The following NFATC2 variants were observed in gnomAD, a reference collection of about 807,000 sequenced individuals.
NFATC2 encodes nuclear factor of activated T-cells, cytoplasmic 2.
In NFATC2, 22 loss-of-function variants were observed where a neutral mutation model predicts 87.3. The ratio of observed to expected loss-of-function variants is 0.25; its 90% CI spans 0.18 to 0.36. The LOEUF (loss-of-function observed/expected upper bound fraction) is 0.36, where lower values mean the gene tolerates loss of function less well. NFATC2 is among the 10% of genes least tolerant of loss of function. The pLI is 1.00. For missense variants in NFATC2, 1,149 were observed against 1,259.1 expected (o/e 0.91, Z 1.32); for synonymous variants, 565 against 542.2 (o/e 1.04, Z -0.58).
intron 1 of NFATC2, among the ~76,000 whole-genome samples, chr20:51,551,092 C>T (rs1217931301): frequency 6.6e-6 from 1 of 152,166 alleles, no homozygotes; most frequent in Admixed American, 6.5e-5. Context: ...GGAAGCATTC[C>T]CTGGGACTCA....
At chr20:51,433,089 C>T (rs1983020547) in intron 8 of NFATC2, among the ~76,000 whole-genome samples, 1 of 152,114 alleles carries the variant, frequency 6.6e-6, no homozygotes, top group Admixed American at 6.5e-5. Flanking sequence ...TGATGCCTCC[C>T]CCTCTTTCTA....
chr20:51,390,747 T>A lies in NFATC2; in HGVS notation c.*749A>T, dbSNP rs541315406. The A allele has an allele frequency of 1.3e-4, 21 of 161,438 alleles. No individual in the cohort carries two copies. In the South Asian group the frequency reaches 3.0e-3, roughly 23 times the overall value. 10.0% of individuals were successfully genotyped at this position (161,438 alleles called of 1,614,324 possible). On this transcript the variant is annotated 3_prime_UTR_variant, in exon 11 of 11. Coordinates refer to ENST00000371564, the MANE Select transcript of NFATC2 (RefSeq NM_012340.5). Reference sequence around the variant, plus strand: ...CATGTCATAACTTAACGCCAAGAAGTCTTAACAGGTGATCTTGTCTGGGCA... The same window carrying A: ...CATGTCATAACTTAACGCCAAGAAGACTTAACAGGTGATCTTGTCTGGGCA...
chr20:51,412,256 C>T (rs999826782), intron 9 of NFATC2, among the ~76,000 whole-genome samples: 1 of 152,222 alleles, frequency 6.6e-6, no homozygotes, highest in Non-Finnish European at 1.5e-5. Flanking sequence ...GACTGGCACA[C>T]TCTGGCATCA....
intron 8 of NFATC2, among the ~76,000 whole-genome samples, chr20:51,433,303 T>C (rs894094459): frequency 8.5e-5 from 13 of 152,198 alleles, no homozygotes; most frequent in African/African-American, 2.4e-4. Context: ...AGATATTTTC[T>C]AGACAAAGGA....
At position 51,523,964 on chromosome 20, in the gene NFATC2, C is replaced by T. The variant is rs745445841; in HGVS notation, c.277G>A (p.Gly93Arg). The T allele has an allele frequency of 3.8e-6, 6 of 1,585,888 alleles. No individual in the cohort carries two copies. In the East Asian group the frequency reaches 1.1e-4, roughly 30 times the overall value. Residue 93 changes from glycine to arginine, a missense_variant, in exon 2 of 11, where the codon GGG becomes AGG. Transcript: ENST00000371564. The surrounding 1 kb of genome is among the most constrained non-coding windows in gnomAD (Gnocchi z 6.9). ...GCCGCGCTCAGAAACTTCTGCGGCCCTACCCTATCCGGCTCTCCGAATCGG... is the reference window on the plus strand; with the variant it reads ...GCCGCGCTCAGAAACTTCTGCGGCCTTACCCTATCCGGCTCTCCGAATCGG... ...PGRFGEPDRVGPQKFLSAAKP... is the reference protein window; with the variant it reads ...PGRFGEPDRVRPQKFLSAAKP...
chr20:51,553,891 TCTCA>T (rs2076955777), intron 1 of NFATC2, among the ~76,000 whole-genome samples: 3 of 151,930 alleles, frequency 2.0e-5, no homozygotes, highest in African/African-American at 7.3e-5. Context: ...CACAATCATT[TCTCA>T]CTCAATGTAC....
At chr20:51,540,256 G>A (rs1227237974) in intron 1 of NFATC2, among the ~76,000 whole-genome samples, 2 of 152,022 alleles carry the variant, frequency 1.3e-5, no homozygotes, top group East Asian at 1.9e-4. Context: ...CAGGTGATCC[G>A]CCCGCCTCAG....
At position 51,480,361 on chromosome 20, in the gene NFATC2, CAGAGGG is replaced by C. The variant is rs1171727600; in HGVS notation, c.1333-4707_1333-4702del. ...GGAAGGAGGGAGAAAAGAAGGGGCA[CAGAGGG>C]AGATGGAGGGAGAGAAACAAACAGC... On this transcript the variant is annotated intron_variant, in intron 3 of 10. Coordinates refer to ENST00000371564, the MANE Select transcript of NFATC2 (RefSeq NM_012340.5). The surrounding 1 kb of genome is among the most constrained non-coding windows in gnomAD (Gnocchi z 4.2). Among the ~76,000 whole-genome samples, 8 of 152,062 alleles carry C rather than the reference CAGAGGG, an allele frequency of 5.3e-5. No homozygotes were observed. The highest frequency in any genetic ancestry group is 1.9e-4 in the African/African-American group (8 of 41,388).
intron 6 of NFATC2, among the ~76,000 whole-genome samples, chr20:51,442,511 C>T (rs564702957): frequency 2.0e-5 from 3 of 152,116 alleles, no homozygotes; most frequent in African/African-American, 4.8e-5. Context: ...CGCATGATGC[C>T]GCTTTGTAAG....
intron 3 of NFATC2, among the ~76,000 whole-genome samples, chr20:51,492,600 C>CG (rs1405947763): frequency 1.3e-5 from 2 of 152,196 alleles, no homozygotes; most frequent in Non-Finnish European, 2.9e-5. Context: ...GGGGACTGTG[C>CG]GGGGCCCTCT....
chr20:51,556,237 T>C (rs2076977014), intron 1 of NFATC2, among the ~76,000 whole-genome samples: 1 of 152,194 alleles, frequency 6.6e-6, no homozygotes, highest in African/African-American at 2.4e-5. Context: ...TGATTCAAAC[T>C]TCCGGCCTCT....
At chr20:51,394,181 A>T (rs144370683) in intron 10 of NFATC2, among the ~76,000 whole-genome samples, 2,335 of 152,158 alleles carry the variant, frequency 0.015, 39 homozygotes, top group Non-Finnish European at 0.019. Context: ...ACTGCCAACA[A>T]GGAGAAAGTT....
chr20:51,416,338 C>A (rs1468721227), intron 9 of NFATC2, among the ~76,000 whole-genome samples: 1 of 152,180 alleles, frequency 6.6e-6, no homozygotes, highest in Admixed American at 6.5e-5. Context: ...AGGAACCAGA[C>A]CAGGACCCTC....
chr20:51,412,222 G>T (rs1031439844), intron 9 of NFATC2, among the ~76,000 whole-genome samples: 1 of 152,170 alleles, frequency 6.6e-6, no homozygotes. Context: ...CCTGGCCAGA[G>T]CCTGTTTTGG....
chr20:51,454,707 GAA>G lies in NFATC2; in HGVS notation c.1709-21_1709-20del. 1.9e-6 allele frequency: 3 copies of G among 1,613,402 alleles called. No individual in the cohort carries two copies. Among genetic ancestry groups the G allele is most frequent in the Non-Finnish European group, 2.5e-6 (3 of 1,179,774 alleles). On this transcript the variant is annotated intron_variant, in intron 5 of 10. Transcript: ENST00000371564. ...CGCTGGGCTGCAGGCAAAAGAGAGAGAAGTCACTGTGATAAGGGGAGATGTCT... is the reference window on the plus strand; with the variant it reads ...CGCTGGGCTGCAGGCAAAAGAGAGAGGTCACTGTGATAAGGGGAGATGTCT...
At chr20:51,488,960 A>G (rs1447109484) in intron 3 of NFATC2, among the ~76,000 whole-genome samples, 2 of 152,242 alleles carry the variant, frequency 1.3e-5, no homozygotes, top group East Asian at 1.9e-4. Flanking sequence ...AGGCCAAGGC[A>G]GGCGGATCAC....
chr20:51,489,693 T>C (rs2075849595), intron 3 of NFATC2, among the ~76,000 whole-genome samples: 1 of 152,196 alleles, frequency 6.6e-6, no homozygotes. Flanking sequence ...TCAAAAACAA[T>C]GATTTCTCTG....
chr20:51,543,137 G>A (rs1287512911), upstream of NFATC2, among the ~76,000 whole-genome samples: 1 of 152,162 alleles, frequency 6.6e-6, no homozygotes, highest in Non-Finnish European at 1.5e-5. Context: ...CCACGGGGGC[G>A]GCATGATTTT....
Position 51,475,641 on chromosome 20 carries a change from T to C in NFATC2, c.1352A>G (p.Asn451Ser). The change falls in exon 4 of 11, where the codon AAC (asparagine) becomes AGC (serine). Residue 451 changes from asparagine (N) to serine (S), a missense_variant. Transcript: ENST00000371564. Reference protein sequence around the residue: ...PVVQLHGYMENKPLGLQIFIG... With the variant: ...PVVQLHGYMESKPLGLQIFIG... Reference sequence around the variant, plus strand: ...GAAGATCTGAAGTCCCAGAGGCTTGTTTTCCATGTAGCCATGGAGCTGGTG... The same window carrying C: ...GAAGATCTGAAGTCCCAGAGGCTTGCTTTCCATGTAGCCATGGAGCTGGTG... 1 of 1,614,084 alleles carries C rather than the reference T, an allele frequency of 6.2e-7. No homozygotes were observed. Among genetic ancestry groups the C allele is most frequent in the Non-Finnish European group, 8.5e-7 (1 of 1,179,996 alleles).
Sources: gnomAD v4.1 joint callset for allele counts (sites outside exome capture counted in the v4.1 genomes callset) on GRCh38, gnomAD v4.1.1 for gene constraint, Gnocchi (gnomAD v3.1) non-coding constraint, MANE v1.5 for transcripts, NCBI Gene and HGNC (gene_info 2026-07-23, HGNC 2026-07-21) for gene names.